Variants in CSMD3 observed in about 807,000 individuals in gnomAD.
CSMD3 encodes CUB and Sushi multiple domains 3.
In CSMD3, 177 loss-of-function variants were observed where a neutral mutation model predicts 435.2. That is an observed-to-expected ratio of 0.41 (90% CI 0.36 to 0.46). The LOEUF (loss-of-function observed/expected upper bound fraction) is 0.46, where lower values mean the gene tolerates loss of function less well. Among genes scored for constraint, CSMD3 ranks in the 20% least tolerant of loss-of-function variants. The pLI is 0.34. For synonymous variants in CSMD3, 1,656 were observed against 1,520.5 expected (o/e 1.09, Z -2.07); for missense variants, 4,265 against 4,504.6 (o/e 0.95, Z 1.52).
At chr8:112,502,848 C>T (rs548113276) in intron 30 of CSMD3, among the ~76,000 whole-genome samples, 2 of 152,170 alleles carry the variant, frequency 1.3e-5, no homozygotes, top group South Asian at 4.1e-4. Context: ...CAGTTGATAA[C>T]TTGAGGTGAA....
Position 112,546,651 on chromosome 8 carries a change from G to GA in CSMD3, c.4564+4019dup, listed in dbSNP as rs535981081. On this transcript the variant is annotated intron_variant, in intron 27 of 70. Transcript: ENST00000297405. Reference sequence around the variant, plus strand: ...GATACCCAATGATATCTTCCCTGGGGAACTAAAGTGGAATGAGACAGGCAG... The same window carrying GA: ...GATACCCAATGATATCTTCCCTGGGGAAACTAAAGTGGAATGAGACAGGCAG... Among the ~76,000 whole-genome samples the GA allele has an allele frequency of 3.3e-5, 5 of 152,236 alleles. No homozygotes were observed. In the East Asian group the frequency reaches 9.7e-4, roughly 30 times the overall value.
At chr8:112,872,514 C>T (rs867222454) in intron 10 of CSMD3, among the ~76,000 whole-genome samples, 14 of 151,910 alleles carry the variant, frequency 9.2e-5, no homozygotes, top group Non-Finnish European at 1.2e-4. Context: ...CTATGAAAGA[C>T]GAGAAATATA....
Position 112,350,885 on chromosome 8 carries a change from T to G in CSMD3, c.6325+290A>C, listed in dbSNP as rs1019593041. Reference sequence around the variant, plus strand: ...TGTTCAATAGATATACTGAGAAAACTCTCTAAGAATTTTTTTAAGTCTTTT... The same window carrying G: ...TGTTCAATAGATATACTGAGAAAACGCTCTAAGAATTTTTTTAAGTCTTTT... On this transcript the variant is annotated intron_variant, in intron 40 of 70. Coordinates refer to ENST00000297405, the MANE Select transcript of CSMD3 (RefSeq NM_198123.2). Among the ~76,000 whole-genome samples the G allele has an allele frequency of 2.0e-5, 3 of 152,114 alleles. No homozygotes were observed. The East Asian group carries it at 5.8e-4, about 29-fold the overall frequency.
chr8:112,605,210 A>C (rs1379127914), intron 22 of CSMD3, among the ~76,000 whole-genome samples: 1 of 152,196 alleles, frequency 6.6e-6, no homozygotes, highest in Non-Finnish European at 1.5e-5. Context: ...TCATTTTGGA[A>C]AGCAGTTTGG....
intron 2 of CSMD3, among the ~76,000 whole-genome samples, chr8:113,301,988 A>C (rs2132592526): frequency 6.6e-6 from 1 of 151,606 alleles, no homozygotes; most frequent in South Asian, 2.1e-4. Context: ...ATTTATATTT[A>C]GTAAAATGAC....
intron 1 of CSMD3, among the ~76,000 whole-genome samples, chr8:113,412,152 C>T (rs550813903): frequency 7.2e-5 from 11 of 152,034 alleles, no homozygotes; most frequent in South Asian, 2.1e-4. Flanking sequence ...ATCACTTGGC[C>T]GGAAATGTTT....
intron 65 of CSMD3, 75 bp downstream of exon 65, chr8:112,244,319 T>A (rs1814476504): frequency 4.7e-6 from 6 of 1,274,542 alleles, no homozygotes; most frequent in Non-Finnish European, 6.8e-6. Context: ...TAATTTGAGT[T>A]GAGTTTTTGT....
chr8:112,866,569 C>T (rs958423235), intron 10 of CSMD3, among the ~76,000 whole-genome samples: 13 of 152,082 alleles, frequency 8.5e-5, no homozygotes, highest in South Asian at 4.1e-4. Context: ...AATGTATTTG[C>T]GGCATTTCCC....
chr8:113,340,749 G>C (rs977061054), intron 1 of CSMD3, among the ~76,000 whole-genome samples: 2 of 151,772 alleles, frequency 1.3e-5, no homozygotes, highest in African/African-American at 4.8e-5. Flanking sequence ...AGCCCCTGTA[G>C]TCCCAGCTAC....
Position 112,319,985 on chromosome 8 carries a change from C to T in CSMD3, c.7166-4G>A, listed in dbSNP as rs2130867617. On this transcript the variant is annotated splice_polypyrimidine_tract_variant and splice_region_variant and intron_variant, in intron 45 of 70. Transcript: ENST00000297405. Reference sequence around the variant, plus strand: ...TGGCACACCCTTAGTTGATAGGCTACAAAAATAAACAAAGTGTTTATTCCT... The same window carrying T: ...TGGCACACCCTTAGTTGATAGGCTATAAAAATAAACAAAGTGTTTATTCCT... 1 of 1,596,932 alleles carries T rather than the reference C, an allele frequency of 6.3e-7. No homozygotes were observed. The highest frequency in any genetic ancestry group is 8.6e-7 in the Non-Finnish European group (1 of 1,164,752).
intron 5 of CSMD3, among the ~76,000 whole-genome samples, chr8:113,066,902 T>G (rs2088883954): frequency 1.3e-5 from 2 of 152,078 alleles, no homozygotes. Context: ...CATAATACAT[T>G]AGATCAGGAG....
At chr8:113,309,492 T>A (rs1262616558) in intron 2 of CSMD3, 2 of 152,226 alleles carry the variant, frequency 1.3e-5, no homozygotes, top group Non-Finnish European at 2.9e-5. Flanking sequence ...TATTTACTTT[T>A]TTATTATCTG....
intron 11 of CSMD3, among the ~76,000 whole-genome samples, chr8:112,844,033 A>G (rs558040948): frequency 6.6e-6 from 1 of 152,006 alleles, no homozygotes; most frequent in East Asian, 1.9e-4. Flanking sequence ...AAATTTACAT[A>G]AGCCACATAA....
At chr8:112,246,153 G>T (rs1814703594) in intron 64 of CSMD3, among the ~76,000 whole-genome samples, 1 of 152,200 alleles carries the variant, frequency 6.6e-6, no homozygotes, top group East Asian at 1.9e-4. Flanking sequence ...AGCCAACAAG[G>T]CACATAACAT....
intron 10 of CSMD3, among the ~76,000 whole-genome samples, chr8:112,866,298 G>T (rs916847966): frequency 3.3e-5 from 5 of 151,736 alleles, no homozygotes; most frequent in Non-Finnish European, 7.4e-5. Flanking sequence ...TTTTTAACTT[G>T]TAAACTTAGA....
At chr8:112,364,640 A>G (rs1827588373) in intron 38 of CSMD3, among the ~76,000 whole-genome samples, 1 of 152,180 alleles carries the variant, frequency 6.6e-6, no homozygotes. Context: ...CTAATCCAAG[A>G]CTATTAATGC....
chr8:112,590,802 A>G (rs749150093), intron 22 of CSMD3, among the ~76,000 whole-genome samples: 62 of 152,164 alleles, frequency 4.1e-4, no homozygotes, highest in African/African-American at 1.3e-3. Context: ...AGGTGAGGTA[A>G]GCACACTTCT....
chr8:112,504,233 A>G (rs191010781), intron 29 of CSMD3, among the ~76,000 whole-genome samples: 181 of 152,208 alleles, frequency 1.2e-3, no homozygotes, highest in African/African-American at 4.1e-3. Context: ...CAGAGGAAAT[A>G]TAAGTGATTG....
chr8:113,195,827 A>C (rs1013830327), intron 3 of CSMD3, among the ~76,000 whole-genome samples: 1 of 147,068 alleles, frequency 6.8e-6, no homozygotes, highest in African/African-American at 2.5e-5. Flanking sequence ...ACACACACAC[A>C]CACACACACA....
Sources: allele counts gnomAD v4.1 joint callset (sites outside exome capture counted in the v4.1 genomes callset), GRCh38; gene constraint gnomAD v4.1.1; transcripts MANE v1.5; gene names NCBI Gene and HGNC (gene_info 2026-07-23, HGNC 2026-07-21).